TMEFF2: variants seen among roughly 807,000 people sequenced by gnomAD.
The protein encoded by TMEFF2 is transmembrane protein with EGF like and two follistatin like domains 2, also known as tomoregulin-2.
TMEFF2 carries 28 observed loss-of-function variants against 53.8 expected under a neutral mutation model. The ratio of observed to expected loss-of-function variants is 0.52; its 90% CI spans 0.39 to 0.71. The LOEUF (loss-of-function observed/expected upper bound fraction) is 0.71, where lower values mean the gene tolerates loss of function less well. Ranked by LOEUF, TMEFF2 falls within the 30% of genes least tolerant of loss-of-function variation. The probability of loss-of-function intolerance (pLI) is 0.00; values close to 1 mark genes in which losing one functional copy is unlikely to be tolerated. For synonymous variants in TMEFF2, 162 were observed against 166.3 expected, an observed-to-expected ratio of 0.97 and a Z score of 0.20; for missense variants, 353 against 455.2, an observed-to-expected ratio of 0.78 and a Z score of 2.04.
chr2:192,003,495 T>C (rs1401292783), intron 5 of TMEFF2, among the ~76,000 whole-genome samples: 1 of 152,236 alleles, frequency 6.6e-6, no homozygotes, highest in African/African-American at 2.4e-5. Flanking sequence ...TTAAATCATA[T>C]TGACTCTTGG....
intron 5 of TMEFF2, among the ~76,000 whole-genome samples, chr2:192,018,322 C>T (rs1359913314): frequency 2.6e-5 from 4 of 152,166 alleles, no homozygotes; most frequent in African/African-American, 9.7e-5. Flanking sequence ...AGGTAAAGGG[C>T]TTCAACGTTT....
At chr2:192,152,469 G>GA (rs200257352) in intron 4 of TMEFF2, among the ~76,000 whole-genome samples, 3,468 of 151,690 alleles carry the variant, frequency 0.023, 111 homozygotes, top group African/African-American at 0.078. Context: ...ATAGGGTCAT[G>GA]AAAAAAAAGG....
chr2:191,988,515 G>A (rs1686030585), intron 7 of TMEFF2, among the ~76,000 whole-genome samples: 1 of 152,304 alleles, frequency 6.6e-6, no homozygotes, highest in African/African-American at 2.4e-5. Context: ...GAATTTGGAT[G>A]TGTACTGCCT....
At chr2:192,002,727 G>A (rs922016570) in intron 5 of TMEFF2, among the ~76,000 whole-genome samples, 4 of 152,104 alleles carry the variant, frequency 2.6e-5, no homozygotes, top group Non-Finnish European at 5.9e-5. Context: ...CTACTCAGGA[G>A]GCTGAGGCAG....
chr2:192,053,200 T>C (rs1687815793), intron 5 of TMEFF2, among the ~76,000 whole-genome samples: 1 of 152,202 alleles, frequency 6.6e-6, no homozygotes, highest in Non-Finnish European at 1.5e-5. Flanking sequence ...CATCTAATTA[T>C]TATTTTTTCT....
intron 3 of TMEFF2, among the ~76,000 whole-genome samples, chr2:192,183,309 AAT>A (rs1691231401): frequency 6.6e-6 from 1 of 152,006 alleles, no homozygotes; most frequent in Non-Finnish European, 1.5e-5. Context: ...TCTTTTAAAG[AAT>A]ATGAGGCTTT....
chr2:192,194,633 G>A lies in TMEFF2; in HGVS notation c.-109C>T. On this transcript the variant is annotated 5_prime_UTR_variant, in exon 1 of 10. Coordinates refer to ENST00000272771, the MANE Select transcript of TMEFF2 (RefSeq NM_016192.4). The surrounding 1 kb of genome is among the most constrained non-coding windows in gnomAD (Gnocchi z 4.2). Reference sequence around the variant, plus strand: ...CCCGCGGACGGCGGCAGCAGAGGCGGCGGCGGTGGCAGTGGCACCCGGCGG... The same window carrying A: ...CCCGCGGACGGCGGCAGCAGAGGCGACGGCGGTGGCAGTGGCACCCGGCGG... The A allele has an allele frequency of 7.5e-7, 1 of 1,327,786 alleles. No homozygotes were observed. Among genetic ancestry groups the A allele is most frequent in the East Asian group, 2.4e-5 (1 of 41,110 alleles). The allele number at this position is 1,327,786 out of a possible 1,614,324, so 82.3% of individuals were successfully genotyped here. A position where few individuals can be genotyped will look rare whatever the true frequency, so the allele number is the denominator to read the frequency against.
chr2:192,158,426 G>A (rs1209144247), intron 4 of TMEFF2, among the ~76,000 whole-genome samples: 3 of 152,054 alleles, frequency 2.0e-5, no homozygotes, highest in African/African-American at 7.2e-5. Flanking sequence ...CATCAGTAAT[G>A]TTCATTACTT....
At chr2:192,004,579 G>A (rs1686452379) in intron 5 of TMEFF2, among the ~76,000 whole-genome samples, 1 of 152,148 alleles carries the variant, frequency 6.6e-6, no homozygotes, top group African/African-American at 2.4e-5. Context: ...TCAGGAATTT[G>A]AGAGCAACCT....
intron 4 of TMEFF2, among the ~76,000 whole-genome samples, chr2:192,140,953 AC>A (rs1222804910): frequency 6.6e-6 from 1 of 152,164 alleles, no homozygotes; most frequent in Admixed American, 6.5e-5. Context: ...TGGAGCATTT[AC>A]TATGTGAAAA....
intron 5 of TMEFF2, among the ~76,000 whole-genome samples, chr2:192,042,994 A>C (rs1687521946): frequency 6.6e-6 from 1 of 152,180 alleles, no homozygotes; most frequent in South Asian, 2.1e-4. Context: ...TGGGAATAGC[A>C]GTTACTGACT....
chr2:192,181,908 T>C (rs551117824), intron 3 of TMEFF2, among the ~76,000 whole-genome samples: 83 of 151,900 alleles, frequency 5.5e-4, no homozygotes, highest in African/African-American at 1.8e-3. Flanking sequence ...TGGGAGGCTT[T>C]AATGATTTTC....
chr2:192,062,316 T>C (rs1282640632), intron 4 of TMEFF2, among the ~76,000 whole-genome samples: 1 of 152,202 alleles, frequency 6.6e-6, no homozygotes, highest in Non-Finnish European at 1.5e-5. Context: ...TTCAGGTAGT[T>C]GCATGTATCA....
chr2:192,072,331 C>T (rs1177742481), intron 4 of TMEFF2, among the ~76,000 whole-genome samples: 1 of 151,948 alleles, frequency 6.6e-6, no homozygotes, highest in African/African-American at 2.4e-5. Flanking sequence ...TAATAATCAC[C>T]TGTATTTTAA....
chr2:192,161,201 C>G (rs1408970625), intron 4 of TMEFF2, among the ~76,000 whole-genome samples: 1 of 152,144 alleles, frequency 6.6e-6, no homozygotes, highest in East Asian at 1.9e-4. Flanking sequence ...CAGGGTCTTG[C>G]TCTGTCACCC....
At chr2:192,075,717 T>C (rs886754814) in intron 4 of TMEFF2, among the ~76,000 whole-genome samples, 1 of 151,980 alleles carries the variant, frequency 6.6e-6, no homozygotes, top group Non-Finnish European at 1.5e-5. Context: ...GTCACTAACA[T>C]ATTTTGCCCT....
intron 7 of TMEFF2, among the ~76,000 whole-genome samples, chr2:191,982,478 T>C (rs1685875901): frequency 7.0e-6 from 1 of 143,352 alleles, no homozygotes; most frequent in South Asian, 2.3e-4. Context: ...GTTTCACAGG[T>C]GTTAGCACAA....
intron 7 of TMEFF2, among the ~76,000 whole-genome samples, chr2:191,964,209 T>C (rs1692350193): frequency 6.7e-6 from 1 of 148,866 alleles, no homozygotes. Flanking sequence ...TCTTTCTTTC[T>C]CTCTTTCTGT....
In TMEFF2 at chr2:192,179,561, C is replaced by T. The variant is rs762033264; in HGVS notation, c.439+107G>A. ...TTATGGTTTCACCTTTCCTAAAATG[C>T]AAAATATGAAATTTGTCTTAAATAT... On this transcript the variant is annotated intron_variant, in intron 4 of 9. Coordinates refer to ENST00000272771, the MANE Select transcript of TMEFF2 (RefSeq NM_016192.4). The T allele has an allele frequency of 6.2e-6, 8 of 1,287,394 alleles. No individual in the cohort carries two copies. The African/African-American group carries it at 9.4e-5, about 15-fold the overall frequency. The allele number at this position is 1,287,394 out of a possible 1,614,324, so 79.7% of individuals were successfully genotyped here. A position where few individuals can be genotyped will look rare whatever the true frequency, so the allele number is the denominator to read the frequency against.
Sources: allele counts gnomAD v4.1 joint callset (sites outside exome capture counted in the v4.1 genomes callset), GRCh38; gene constraint gnomAD v4.1.1; non-coding constraint Gnocchi (gnomAD v3.1); transcripts MANE v1.5; gene names NCBI Gene and HGNC (gene_info 2026-07-23, HGNC 2026-07-21).